GOLM1: variants seen among roughly 807,000 people sequenced by gnomAD.
GOLM1 encodes the protein epididymis luminal protein 46.
In GOLM1, 31 loss-of-function variants were observed where a neutral mutation model predicts 50.5. The observed-to-expected ratio is 0.61, with a 90% CI of 0.46 to 0.83. The LOEUF (loss-of-function observed/expected upper bound fraction) is 0.83. Ranked by LOEUF, GOLM1 falls within the 40% of genes least tolerant of loss-of-function variation. GOLM1 has a pLI of 0.00. For missense variants in GOLM1, 491 were observed against 501.3 expected (o/e 0.98, Z 0.20); for synonymous variants, 178 against 192.8 (o/e 0.92, Z 0.64).
At chr9:86,074,830 T>C (rs146840818) in intron 3 of GOLM1, among the ~76,000 whole-genome samples, 47 of 152,302 alleles carry the variant, frequency 3.1e-4, no homozygotes, top group African/African-American at 1.1e-3. Flanking sequence ...ACCACACTGC[T>C]TGCTCTTGGT....
At chr9:86,051,900 T>C (rs1833765504) in intron 4 of GOLM1, among the ~76,000 whole-genome samples, 1 of 152,172 alleles carries the variant, frequency 6.6e-6, no homozygotes, top group African/African-American at 2.4e-5. Flanking sequence ...ACCAAAAGAA[T>C]TATAATGCAA....
chr9:86,033,868 G>A (rs1447946964), intron 8 of GOLM1, among the ~76,000 whole-genome samples: 2 of 152,036 alleles, frequency 1.3e-5, no homozygotes, highest in Admixed American at 6.6e-5. Flanking sequence ...GGAGTGGGCA[G>A]CAGCCAGAGA....
intron 3 of GOLM1, among the ~76,000 whole-genome samples, chr9:86,075,351 T>G (rs1411783889): frequency 6.6e-6 from 1 of 152,260 alleles, no homozygotes; most frequent in Non-Finnish European, 1.5e-5. Flanking sequence ...CCACTGCTGC[T>G]GTGATCATGG....
Position 86,076,727 on chromosome 9 carries a change from T to C in GOLM1, c.309+685A>G, listed in dbSNP as rs185427319. On this transcript the variant is annotated intron_variant, in intron 3 of 9. Coordinates refer to ENST00000388712, the MANE Select transcript of GOLM1 (RefSeq NM_016548.4). ...TAAAAATATAAAAATTAGCTGGGCG[T>C]GGTGGCAGGCACCTGTAATCGCAGC... is the stretch of plus-strand genomic sequence containing the variant. Among the ~76,000 whole-genome samples, 314 of 151,816 alleles carry C rather than the reference T, an allele frequency of 2.1e-3. 1 individual carries two copies. Among genetic ancestry groups the C allele is most frequent in the African/African-American group, 7.2e-3 (297 of 41,398 alleles).
At chr9:86,040,700 G>A (rs766574622) in intron 6 of GOLM1, 39 bp downstream of exon 6, 3 of 1,590,532 alleles carry the variant, frequency 1.9e-6, no homozygotes, top group African/African-American at 2.7e-5. Flanking sequence ...GAAGATAGGG[G>A]TACCTTCTAG....
chr9:86,064,410 A>G (rs1834246959), intron 3 of GOLM1, among the ~76,000 whole-genome samples: 1 of 151,992 alleles, frequency 6.6e-6, no homozygotes, highest in Admixed American at 6.6e-5. Context: ...GGGCCTGTTG[A>G]TCCCTCCTCT....
chr9:86,027,762 A>G lies in GOLM1; in HGVS notation c.*55T>C, dbSNP rs944930336. On this transcript the variant is annotated 3_prime_UTR_variant, in exon 10 of 10. Transcript: ENST00000388712. ...GTTTTCAGTATTCAGTCCCTCATGA[A>G]CATTTTATAGTCATCTCTTCGGCCC... The G allele has an allele frequency of 6.9e-6, 11 of 1,584,256 alleles. No homozygotes were observed. The highest frequency in any genetic ancestry group is 3.7e-5 in the Admixed American group (2 of 54,090).
intron 1 of GOLM1, among the ~76,000 whole-genome samples, chr9:86,089,758 A>G (rs1332361251): frequency 6.6e-6 from 1 of 152,082 alleles, no homozygotes; most frequent in East Asian, 1.9e-4. Flanking sequence ...TACTTCTGTC[A>G]GTTCATCAAA....
Position 86,027,237 on chromosome 9 carries a change from G to GTATT in GOLM1, c.*576_*579dup, listed in dbSNP as rs1832813293. On this transcript the variant is annotated 3_prime_UTR_variant, in exon 10 of 10. Transcript: ENST00000388712. Reference sequence around the variant, plus strand: ...AAAAATTCTCACACAGAACAGCTTTGTATTTAGACTTAAAGCTGTTGCTAC... The same window carrying GTATT: ...AAAAATTCTCACACAGAACAGCTTTGTATTTATTTAGACTTAAAGCTGTTGCTAC... 4 of 985,314 alleles carry GTATT rather than the reference G, an allele frequency of 4.1e-6. No homozygotes were observed. The highest frequency in any genetic ancestry group is 3.5e-5 in the African/African-American group (2 of 57,254). 61.0% of individuals were successfully genotyped at this position (985,314 alleles called of 1,614,324 possible).
intron 3 of GOLM1, among the ~76,000 whole-genome samples, chr9:86,076,457 C>T (rs1587731120): frequency 1.8e-5 from 2 of 113,762 alleles, no homozygotes; most frequent in South Asian, 6.3e-4. Context: ...AAAAAAAAGC[C>T]AAATTTTTCT....
chr9:86,074,685 G>A (rs111551799), intron 3 of GOLM1, among the ~76,000 whole-genome samples: 11 of 152,290 alleles, frequency 7.2e-5, no homozygotes, highest in Admixed American at 2.6e-4. Flanking sequence ...CCCCAATCTC[G>A]TCAGACTGCT....
At chr9:86,046,160 A>T (rs577146361) in intron 5 of GOLM1, among the ~76,000 whole-genome samples, 3 of 152,346 alleles carry the variant, frequency 2.0e-5, no homozygotes, top group African/African-American at 7.2e-5. Context: ...AACGAATTTG[A>T]TTTAGCTCAC....
At position 86,057,691 on chromosome 9, in the gene GOLM1, C is replaced by T. The variant is rs138906387; in HGVS notation, c.310-5100G>A. 6.5e-3 allele frequency among the ~76,000 whole-genome samples: 987 copies of T among 152,314 alleles called. 8 individuals carry two copies. Among genetic ancestry groups the T allele is most frequent in the African/African-American group, 0.02 (851 of 41,570 alleles). ...TGGAAGCGGAGCCATAGGCATGCTG[C>T]GGCCCTGGGTGAGCGTGGAGGGCAA... is the stretch of plus-strand genomic sequence containing the variant. On this transcript the variant is annotated intron_variant, in intron 3 of 9. Coordinates refer to ENST00000388712, the MANE Select transcript of GOLM1 (RefSeq NM_016548.4).
chr9:86,031,619 GC>G (rs892461976), intron 9 of GOLM1, among the ~76,000 whole-genome samples: 3 of 151,396 alleles, frequency 2.0e-5, no homozygotes, highest in Non-Finnish European at 4.4e-5. Flanking sequence ...GTGCCACCAC[GC>G]CTGGCTAATT....
rs150874976 is a variant in GOLM1 at position 86,032,431 on chromosome 9, C to T, written c.1129+851G>A. On this transcript the variant is annotated intron_variant, in intron 9 of 9. Transcript: ENST00000388712. ...ATCTGCCTGCCTTGGTCTCCCAAAG[C>T]GCTGGGATTACAGGTGTGAGCCACC... Among the ~76,000 whole-genome samples, 1,377 of 152,060 alleles carry T rather than the reference C, an allele frequency of 9.1e-3. 8 individuals are homozygous for T. The highest frequency in any genetic ancestry group is 0.014 in the Admixed American group (219 of 15,264).
intron 3 of GOLM1, among the ~76,000 whole-genome samples, chr9:86,065,599 G>A (rs372524732): frequency 2.3e-4 from 35 of 152,156 alleles, no homozygotes; most frequent in African/African-American, 6.8e-4. Context: ...CCAGTGTGAC[G>A]AGCAGACCTG....
chr9:86,065,241 A>T (rs755103992), intron 3 of GOLM1, among the ~76,000 whole-genome samples: 1 of 152,070 alleles, frequency 6.6e-6, no homozygotes, highest in Non-Finnish European at 1.5e-5. Flanking sequence ...TCACTTCCTC[A>T]TCTTTGTCCA....
chr9:86,060,917 A>AAAAAAAAAAAAAAAAAAG (rs1563960044), intron 3 of GOLM1, among the ~76,000 whole-genome samples: 1 of 136,770 alleles, frequency 7.3e-6, no homozygotes, highest in African/African-American at 2.9e-5. Context: ...AAAAAAAAGA[A>AAAAAAAAAAAAAAAAAAG]GAAGAAGAAG....
At chr9:86,070,570 C>CA (rs1160328811) in intron 3 of GOLM1, among the ~76,000 whole-genome samples, 1,990 of 120,874 alleles carry the variant, frequency 0.016, 19 homozygotes, top group African/African-American at 0.033. Context: ...GACTCCACCT[C>CA]AAAAAAAAAA....
Sources: gnomAD v4.1 joint callset for allele counts (sites outside exome capture counted in the v4.1 genomes callset) on GRCh38, gnomAD v4.1.1 for gene constraint, MANE v1.5 for transcripts, NCBI Gene and HGNC (gene_info 2026-07-23, HGNC 2026-07-21) for gene names.